Variants in LEF1 observed in about 807,000 individuals in gnomAD.
LEF1 encodes the protein lymphoid enhancer binding factor 1.
A neutral mutation model predicts 51.2 loss-of-function variants in LEF1; 14 were observed. That is an observed-to-expected ratio of 0.27 (90% CI 0.18 to 0.43). LEF1 has a LOEUF of 0.43. Ranked by LOEUF, LEF1 falls within the 20% of genes least tolerant of loss-of-function variation. The pLI is 1.00. For synonymous variants in LEF1, 185 were observed against 183.2 expected (o/e 1.01, Z -0.08); for missense variants, 386 against 512.0 (o/e 0.75, Z 2.37).
intron 3 of LEF1, among the ~76,000 whole-genome samples, chr4:108,157,723 T>C (rs1389442621): frequency 6.6e-6 from 1 of 152,230 alleles, no homozygotes; most frequent in Non-Finnish European, 1.5e-5. Context: ...AACAAAACTC[T>C]TGCTTGCTCT....
At chr4:108,078,524 G>T (rs1739071964) in intron 7 of LEF1, 142 bp from the exon 8 acceptor site, 11 of 996,814 alleles carry the variant, frequency 1.1e-5, no homozygotes, top group Middle Eastern at 2.7e-4. Flanking sequence ...CCACCAACTT[G>T]GAAGAGCAGT....
At chr4:108,131,906 G>A (rs1010961259) in intron 3 of LEF1, among the ~76,000 whole-genome samples, 1 of 152,158 alleles carries the variant, frequency 6.6e-6, no homozygotes, top group African/African-American at 2.4e-5. Flanking sequence ...TATGAAATCA[G>A]GGTTATTTCT....
chr4:108,078,499 T>C (rs1434673513), intron 7 of LEF1, 117 bp from the exon 8 acceptor site: 1 of 1,332,562 alleles, frequency 7.5e-7, no homozygotes, highest in South Asian at 1.2e-5. Flanking sequence ...GCGACAACCC[T>C]CTCACCCCAG....
At position 108,048,614 on chromosome 4, in the gene LEF1, A is replaced by C; in HGVS notation, c.*144T>G. 1 of 1,158,688 alleles carries C rather than the reference A, an allele frequency of 8.6e-7. No homozygotes were observed. The highest frequency in any genetic ancestry group is 1.2e-6 in the Non-Finnish European group (1 of 816,854). 71.8% of individuals were successfully genotyped at this position (1,158,688 alleles called of 1,614,324 possible). A position where few individuals can be genotyped will look rare whatever the true frequency, so the allele number is the denominator to read the frequency against. ...TCTCTAGCAGTGACCTCAGGGTAAA[A>C]TTGATGTCAGTGTTCCTTTGGGGTC... On this transcript the variant is annotated 3_prime_UTR_variant, in exon 12 of 12. Transcript: ENST00000265165.
intron 3 of LEF1, among the ~76,000 whole-genome samples, chr4:108,139,236 A>C (rs151076675): frequency 6.6e-6 from 1 of 152,328 alleles, no homozygotes; most frequent in African/African-American, 2.4e-5. Context: ...CATTAACTCT[A>C]TACTGGGAAA....
chr4:108,083,173 A>T, intron 5 of LEF1, 183 bp downstream of exon 5: 1 of 606,198 alleles, frequency 1.6e-6, no homozygotes, highest in Non-Finnish European at 3.0e-6. Flanking sequence ...GGATCAATCC[A>T]TTTCAAAGTC....
At chr4:108,052,767 GAC>G (rs770397235) in intron 11 of LEF1, among the ~76,000 whole-genome samples, 14 of 152,320 alleles carry the variant, frequency 9.2e-5, no homozygotes, top group Admixed American at 2.6e-4. Flanking sequence ...TCATAAAAGT[GAC>G]AGTCTTGTTG....
chr4:108,082,528 A>G (rs1249608739), intron 5 of LEF1, among the ~76,000 whole-genome samples: 1 of 152,178 alleles, frequency 6.6e-6, no homozygotes, highest in Non-Finnish European at 1.5e-5. Context: ...GGGTACAATG[A>G]CATGGGGGCT....
Position 108,047,973 on chromosome 4 carries a change from A to G in LEF1, c.*785T>C, listed in dbSNP as rs1409906296. The G allele has an allele frequency of 6.6e-6, 1 of 152,652 alleles. No homozygotes were observed. The allele number at this position is 152,652 out of a possible 1,614,324, so 9.5% of individuals were successfully genotyped here. On this transcript the variant is annotated 3_prime_UTR_variant, in exon 12 of 12. Coordinates refer to ENST00000265165, the MANE Select transcript of LEF1 (RefSeq NM_016269.5). ...TTGGCTATTACATTTATTTAGCTCTACTGAACACCTTACAAGGGCGGAGAA... is the reference window on the plus strand; with the variant it reads ...TTGGCTATTACATTTATTTAGCTCTGCTGAACACCTTACAAGGGCGGAGAA...
intron 3 of LEF1, among the ~76,000 whole-genome samples, chr4:108,092,182 C>T (rs894501203): frequency 6.6e-6 from 1 of 152,144 alleles, no homozygotes; most frequent in South Asian, 2.1e-4. Flanking sequence ...ATTTGCTTTC[C>T]TGTGGGAAAG....
intron 4 of LEF1, among the ~76,000 whole-genome samples, chr4:108,087,991 G>A (rs576335405): frequency 6.6e-6 from 1 of 152,312 alleles, no homozygotes; most frequent in African/African-American, 2.4e-5. Context: ...AAGGACAGAG[G>A]ATTAAAAAAT....
intron 3 of LEF1, among the ~76,000 whole-genome samples, chr4:108,114,351 A>G (rs1459949671): frequency 3.3e-5 from 5 of 152,208 alleles, no homozygotes; most frequent in African/African-American, 1.2e-4. Flanking sequence ...TTGTAAAAGC[A>G]CTTTGTATGC....
In LEF1 at chr4:108,089,242, C is replaced by G. The variant is rs200951346; in HGVS notation, c.430G>C (p.Val144Leu). Residue 144 changes from valine (V) to leucine (L), a missense_variant, in exon 4 of 12, where the codon GTG (valine) becomes CTG (leucine). Val to Leu is a conservative substitution (Grantham distance 32). Around this residue, in one of 2 missense-constraint regions of LEF1, gnomAD observed 335 missense variants for 390.7 expected, o/e 0.86. Coordinates refer to ENST00000265165, the MANE Select transcript of LEF1 (RefSeq NM_016269.5). The stretch of plus-strand genomic sequence containing the variant: ...TGGACCGCATGGGATGGCTGCACCA[C>G]GGGCACTTTATTTGACTGCAAAGTA... ...PIPRTSNKVPVVQPSHAVHPL... is the reference protein window; with the variant it reads ...PIPRTSNKVPLVQPSHAVHPL... The G allele has an allele frequency of 6.2e-7, 1 of 1,613,834 alleles. No individual in the cohort carries two copies. The highest frequency in any genetic ancestry group is 8.5e-7 in the Non-Finnish European group (1 of 1,179,900).
At chr4:108,153,148 C>T (rs1744458029) in intron 3 of LEF1, among the ~76,000 whole-genome samples, 1 of 152,192 alleles carries the variant, frequency 6.6e-6, no homozygotes, top group South Asian at 2.1e-4. Flanking sequence ...CAAGGAAGGA[C>T]ACTCATCTCT....
intron 3 of LEF1, among the ~76,000 whole-genome samples, chr4:108,137,427 T>C (rs371915791): frequency 1.3e-5 from 2 of 152,332 alleles, no homozygotes; most frequent in South Asian, 4.1e-4. Flanking sequence ...ATTTTAAACA[T>C]CATAAAGCTA....
intron 11 of LEF1, among the ~76,000 whole-genome samples, chr4:108,054,963 C>G (rs1737224102): frequency 6.6e-6 from 1 of 152,216 alleles, no homozygotes; most frequent in African/African-American, 2.4e-5. Context: ...TCCCACTCAT[C>G]TGGCTCTCAG....
intron 3 of LEF1, among the ~76,000 whole-genome samples, chr4:108,107,690 G>T (rs913566573): frequency 2.0e-5 from 3 of 151,990 alleles, no homozygotes; most frequent in Admixed American, 6.6e-5. Flanking sequence ...CACTCTCTGA[G>T]AACATTTTAG....
intron 8 of LEF1, among the ~76,000 whole-genome samples, chr4:108,074,571 C>T (rs1232263888): frequency 6.6e-6 from 1 of 152,166 alleles, no homozygotes; most frequent in African/African-American, 2.4e-5. Flanking sequence ...TTAAGATCCA[C>T]TTTTAAGAAC....
chr4:108,122,428 C>G (rs549429295), intron 3 of LEF1, among the ~76,000 whole-genome samples: 53 of 151,862 alleles, frequency 3.5e-4, no homozygotes, highest in African/African-American at 1.2e-3. Context: ...TTCTTCAGAT[C>G]CCTCGTTTCA....
Sources: gnomAD v4.1 joint callset for allele counts (sites outside exome capture counted in the v4.1 genomes callset) on GRCh38, gnomAD v4.1.1 for gene constraint, gnomAD v4.1.1 regional missense constraint, MANE v1.5 for transcripts, NCBI Gene and HGNC (gene_info 2026-07-23, HGNC 2026-07-21) for gene names.